Variants in MAP7 observed in about 807,000 individuals in gnomAD.
The protein encoded by MAP7 is ensconsin.
Under a neutral mutation model 94.8 loss-of-function variants are expected in MAP7, and 52 were observed. That is an observed-to-expected ratio of 0.55 (90% confidence interval 0.44 to 0.69). MAP7 has a LOEUF of 0.69. Ranked by LOEUF, MAP7 falls within the 30% of genes least tolerant of loss-of-function variation. MAP7 has a pLI of 0.00. For synonymous variants in MAP7, 350 were observed against 357.0 expected, an observed-to-expected ratio of 0.98 and a Z score of 0.22; for missense variants, 940 against 964.6, an observed-to-expected ratio of 0.97 and a Z score of 0.34.
At chr6:136,418,310 C>A (rs1790174613) in intron 2 of MAP7, among the ~76,000 whole-genome samples, 1 of 152,100 alleles carries the variant, frequency 6.6e-6, no homozygotes, top group East Asian at 1.9e-4. Context: ...TGCCTCCTGG[C>A]TTCAAGTGAT....
At chr6:136,390,636 A>C (rs541616389) in intron 3 of MAP7, among the ~76,000 whole-genome samples, 1 of 152,214 alleles carries the variant, frequency 6.6e-6, no homozygotes, top group Non-Finnish European at 1.5e-5. Context: ...CTTGGACGAC[A>C]GAGTGAGACT....
chr6:136,519,245 C>T (rs1437704186), intron 1 of MAP7, among the ~76,000 whole-genome samples: 1 of 152,046 alleles, frequency 6.6e-6, no homozygotes, highest in Non-Finnish European at 1.5e-5. Flanking sequence ...AAAGTTTATG[C>T]CAATGAATTT....
chr6:136,407,797 A>T (rs776796009), intron 3 of MAP7, among the ~76,000 whole-genome samples: 5 of 152,192 alleles, frequency 3.3e-5, no homozygotes, highest in Non-Finnish European at 5.9e-5. Context: ...TCTGCAAAAG[A>T]TCTAATAGCT....
At chr6:136,434,131 C>A (rs1795703230) in intron 1 of MAP7, among the ~76,000 whole-genome samples, 1 of 151,880 alleles carries the variant, frequency 6.6e-6, no homozygotes, top group Admixed American at 6.6e-5. Flanking sequence ...CATGGTGAAA[C>A]CCCGTCTCTA....
At chr6:136,420,202 T>TACAA in intron 2 of MAP7, 1 of 1,024,080 alleles carries the variant, frequency 9.8e-7, no homozygotes, top group Non-Finnish European at 1.6e-6. Flanking sequence ...CTGGATCTTG[T>TACAA]GTTCAGGCAT....
chr6:136,506,330 G>A (rs532315415), intron 1 of MAP7, among the ~76,000 whole-genome samples: 2 of 152,070 alleles, frequency 1.3e-5, no homozygotes, highest in South Asian at 2.1e-4. Context: ...CACTGAGAAC[G>A]AAGAGGTCAC....
chr6:136,442,261 C>T (rs181265374), intron 1 of MAP7, among the ~76,000 whole-genome samples: 4 of 149,748 alleles, frequency 2.7e-5, no homozygotes, highest in East Asian at 2.0e-4. Flanking sequence ...AAAAATTAGC[C>T]GGACATGGTG....
At chr6:136,485,533 T>TTAA (rs1814364504) in intron 1 of MAP7, among the ~76,000 whole-genome samples, 1 of 151,470 alleles carries the variant, frequency 6.6e-6, no homozygotes, top group Non-Finnish European at 1.5e-5. Context: ...GTTTGATGAC[T>TTAA]TAATGATCAA....
At chr6:136,428,878 A>AT (rs1794065894) in intron 1 of MAP7, among the ~76,000 whole-genome samples, 1 of 152,088 alleles carries the variant, frequency 6.6e-6, no homozygotes, top group South Asian at 2.1e-4. Flanking sequence ...AACATGAGAT[A>AT]TTTTTTCTCT....
intron 1 of MAP7, among the ~76,000 whole-genome samples, chr6:136,434,464 G>A (rs1795829249): frequency 6.6e-6 from 1 of 152,116 alleles, no homozygotes; most frequent in Non-Finnish European, 1.5e-5. Context: ...AGCGTAACAA[G>A]CAGAGACTCC....
At chr6:136,527,670 T>TATACTTTATAATA (rs1300532761) in intron 1 of MAP7, among the ~76,000 whole-genome samples, 1 of 152,208 alleles carries the variant, frequency 6.6e-6, no homozygotes, top group Non-Finnish European at 1.5e-5. Flanking sequence ...CAACTATTAT[T>TATACTTTATAATA]ATACTTTATA....
At chr6:136,381,058 A>G (rs1582736080) in intron 6 of MAP7, among the ~76,000 whole-genome samples, 1 of 152,250 alleles carries the variant, frequency 6.6e-6, no homozygotes, top group South Asian at 2.1e-4. Flanking sequence ...CCATTTGTCT[A>G]TAAGGTCCTC....
chr6:136,373,915 T>C (rs975889267), intron 7 of MAP7, among the ~76,000 whole-genome samples: 2 of 152,218 alleles, frequency 1.3e-5, no homozygotes, highest in Non-Finnish European at 1.5e-5. Flanking sequence ...TCTTTATTAA[T>C]GCACTCTTTC....
chr6:136,506,753 A>C (rs559144362), intron 1 of MAP7, among the ~76,000 whole-genome samples: 1 of 152,354 alleles, frequency 6.6e-6, no homozygotes, highest in African/African-American at 2.4e-5. Flanking sequence ...ACTTCGTTCT[A>C]TATTTGAGTC....
chr6:136,366,580 A>C, intron 8 of MAP7, 141 bp from the exon 9 acceptor site: 53 of 622,046 alleles, frequency 8.5e-5, no homozygotes, highest in East Asian at 1.7e-4. Context: ...ATTCCATCTC[A>C]ACAAAAGGCC....
Position 136,550,361 on chromosome 6 carries a change from G to T in MAP7, c.48C>A (p.Gly16=). Reference sequence around the variant, plus strand: ...GGTCACCTGTTTCGCTTCGCACTGCGCCGTCGCCGCCCCTGTGGCCGTCGC... The same window carrying T: ...GGTCACCTGTTTCGCTTCGCACTGCTCCGTCGCCGCCCCTGTGGCCGTCGC... ...AGGDGHRGGD[G]AVRSETAPDS... The change falls in exon 1 of 18, where the codon GGC becomes GGA. Residue 16 remains glycine (G), a synonymous_variant. Transcript: ENST00000354570. The surrounding 1 kb of genome is among the most constrained non-coding windows in gnomAD (Gnocchi z 5.1). The T allele has an allele frequency of 1.3e-6, 2 of 1,528,312 alleles. No individual in the cohort carries two copies. The highest frequency in any genetic ancestry group is 2.0e-5 in the Admixed American group (1 of 51,102). 94.7% of individuals were successfully genotyped at this position (1,528,312 alleles called of 1,614,324 possible). A position where few individuals can be genotyped will look rare whatever the true frequency, so the allele number is the denominator to read the frequency against.
chr6:136,360,068 A>T, intron 13 of MAP7, 37 bp from the exon 14 acceptor site: 2 of 1,546,642 alleles, frequency 1.3e-6, no homozygotes. Context: ...AAGATTAGAC[A>T]CAGAAAAAAA....
intron 1 of MAP7, among the ~76,000 whole-genome samples, chr6:136,454,963 T>G (rs2128892925): frequency 6.6e-6 from 1 of 152,114 alleles, no homozygotes; most frequent in African/African-American, 2.4e-5. Flanking sequence ...GATGTTAAAT[T>G]TGGCCAAGAG....
At chr6:136,368,899 TA>T (rs1255951267) in intron 8 of MAP7, among the ~76,000 whole-genome samples, 1 of 152,186 alleles carries the variant, frequency 6.6e-6, no homozygotes, top group Non-Finnish European at 1.5e-5. Context: ...TGCAGAAATA[TA>T]AAAATTCAAC....
Sources: allele counts gnomAD v4.1 joint callset (sites outside exome capture counted in the v4.1 genomes callset), GRCh38; gene constraint gnomAD v4.1.1; non-coding constraint Gnocchi (gnomAD v3.1); transcripts MANE v1.5; gene names NCBI Gene and HGNC (gene_info 2026-07-23, HGNC 2026-07-21).